CELF4: variants seen among roughly 807,000 people sequenced by gnomAD.
CELF4 encodes CUG-BP- and ETR-3-like factor 4.
CELF4 carries 18 observed loss-of-function variants against 59.9 expected under a neutral mutation model. The ratio of observed to expected loss-of-function variants is 0.30; its 90% confidence interval spans 0.21 to 0.45. The LOEUF is 0.45. Among genes scored for constraint, CELF4 ranks in the 20% least tolerant of loss-of-function variants. The pLI, the probability that CELF4 is intolerant of heterozygous loss-of-function variation, is 1.00. For missense variants in CELF4, 456 were observed against 689.0 expected, an observed-to-expected ratio of 0.66 and a Z score of 3.79; for synonymous variants, 261 against 267.1, an observed-to-expected ratio of 0.98 and a Z score of 0.22.
At chr18:37,377,862 C>T (rs1179630646) in intron 2 of CELF4, among the ~76,000 whole-genome samples, 2 of 151,960 alleles carry the variant, frequency 1.3e-5, no homozygotes, top group Non-Finnish European at 2.9e-5. Context: ...AGGGCAAGGG[C>T]GGAAAGGGAA....
intron 2 of CELF4, among the ~76,000 whole-genome samples, chr18:37,348,946 G>A (rs1171415560): frequency 6.6e-6 from 1 of 152,140 alleles, no homozygotes; most frequent in South Asian, 2.1e-4. Flanking sequence ...ATGCCTCCAG[G>A]GGGTTTGGGA....
intron 2 of CELF4, among the ~76,000 whole-genome samples, chr18:37,328,000 C>T (rs560357311): frequency 6.6e-6 from 1 of 152,290 alleles, no homozygotes; most frequent in Non-Finnish European, 1.5e-5. Context: ...TTCTCTCTCT[C>T]ATGCGTGTGT....
At chr18:37,440,990 T>C (rs1016537134) in intron 2 of CELF4, among the ~76,000 whole-genome samples, 1 of 152,148 alleles carries the variant, frequency 6.6e-6, no homozygotes, top group Non-Finnish European at 1.5e-5. Flanking sequence ...TATTAGATAG[T>C]GGATGCATTA....
At chr18:37,425,544 T>TA (rs2099606601) in intron 2 of CELF4, among the ~76,000 whole-genome samples, 2 of 152,338 alleles carry the variant, frequency 1.3e-5, no homozygotes, top group African/African-American at 4.8e-5. Flanking sequence ...ATGATTTCTT[T>TA]AAAAAACATA....
At chr18:37,557,382 C>T (rs1372959415) in intron 1 of CELF4, among the ~76,000 whole-genome samples, 1 of 152,210 alleles carries the variant, frequency 6.6e-6, no homozygotes, top group Non-Finnish European at 1.5e-5. Context: ...CGGTGCACAA[C>T]AGTTCTCACA....
intron 2 of CELF4, among the ~76,000 whole-genome samples, chr18:37,427,734 C>T (rs1392033560): frequency 6.6e-6 from 1 of 152,216 alleles, no homozygotes; most frequent in African/African-American, 2.4e-5. Context: ...TGGGACCTTC[C>T]TCGGCCTTGA....
intron 2 of CELF4, among the ~76,000 whole-genome samples, chr18:37,343,862 A>G (rs906570772): frequency 6.6e-6 from 1 of 152,036 alleles, no homozygotes; most frequent in Admixed American, 6.6e-5. Context: ...CACTCCTATC[A>G]GGCTGTCCAC....
rs71168258 is a variant in CELF4, at chr18:37,353,233, A to AAAAAATATATATATATAT, written c.370-31353_370-31352insATATATATATATATTTTT. 6.5e-4 allele frequency among the ~76,000 whole-genome samples: 69 copies of AAAAAATATATATATATAT among 106,918 alleles called. 1 individual carries two copies. The highest frequency in any genetic ancestry group is 2.3e-3 in the East Asian group (8 of 3,540). The allele number at this position is 106,918 out of a possible 152,430, so 70.1% of individuals were successfully genotyped here. On this transcript the variant is annotated intron_variant, in intron 2 of 12. Coordinates refer to ENST00000420428, the MANE Select transcript of CELF4 (RefSeq NM_020180.4). ...GAGACTCCGTCTCAAAAAAAAAAAA[A>AAAAAATATATATATATAT]ATATATATATATATATACATAAAAG...
intron 2 of CELF4, among the ~76,000 whole-genome samples, chr18:37,326,216 G>A (rs1396053123): frequency 1.3e-5 from 2 of 152,214 alleles, no homozygotes; most frequent in African/African-American, 2.4e-5. Context: ...GGGCAAGGGA[G>A]AGCAGAGGGG....
intron 1 of CELF4, among the ~76,000 whole-genome samples, chr18:37,537,990 C>T (rs1603643668): frequency 6.6e-6 from 1 of 152,350 alleles, no homozygotes; most frequent in East Asian, 1.9e-4. Context: ...CGGAGAGTCC[C>T]AGGCGCTGAA....
intron 3 of CELF4, among the ~76,000 whole-genome samples, chr18:37,302,006 C>T (rs1254857956): frequency 1.3e-5 from 2 of 152,162 alleles, no homozygotes; most frequent in African/African-American, 2.4e-5. Flanking sequence ...TGGGGAACAT[C>T]GAAAAACTCA....
In CELF4 at chr18:37,253,443, C is replaced by T. The variant is rs769428784; in HGVS notation, c.*44+324G>A. ...AACCTCCCTCAGCCTGAGCTTGCCA[C>T]CTGTTCACCCCAGGGTTCTCTGGCC... On this transcript the variant is annotated intron_variant, in intron 12 of 12. Transcript: ENST00000420428. This position sits in a 1 kb window ranked among gnomAD's most constrained non-coding sequence, Gnocchi z 4.5. Among the ~76,000 whole-genome samples, 17 of 152,318 alleles carry T rather than the reference C, an allele frequency of 1.1e-4. No homozygotes were observed. Among genetic ancestry groups the T allele is most frequent in the Non-Finnish European group, 2.5e-4 (17 of 68,024 alleles).
chr18:37,404,711 T>C (rs1236808234), intron 2 of CELF4, among the ~76,000 whole-genome samples: 1 of 152,138 alleles, frequency 6.6e-6, no homozygotes, highest in African/African-American at 2.4e-5. Context: ...AGAGCCAGGA[T>C]GGAGAGTGTA....
In CELF4 at chr18:37,253,793, GGACGCTCCCGCC is replaced by G; in HGVS notation, c.*6_*17del. 6.3e-7 allele frequency: 1 copy of G among 1,589,800 alleles called. No homozygotes were observed. The highest frequency in any genetic ancestry group is 8.6e-7 in the Non-Finnish European group (1 of 1,167,982). On this transcript the variant is annotated 3_prime_UTR_variant, in exon 12 of 13. Transcript: ENST00000420428. This position sits in a 1 kb window ranked among gnomAD's most constrained non-coding sequence, Gnocchi z 4.5. Reference sequence around the variant, plus strand: ...TGTGCGAGTCCTGGTCTCCCCCGGGGGACGCTCCCGCCGGCGCTCAGTACGGGCGATTGGCGT... The same window carrying G: ...TGTGCGAGTCCTGGTCTCCCCCGGGGGGCGCTCAGTACGGGCGATTGGCGT...
At chr18:37,423,835 A>G (rs945912664) in intron 2 of CELF4, among the ~76,000 whole-genome samples, 21 of 151,786 alleles carry the variant, frequency 1.4e-4, no homozygotes, top group Non-Finnish European at 1.9e-4. Context: ...AGGCTCACAG[A>G]TCTTTGACTG....
chr18:37,525,911 C>T (rs1273476140), intron 1 of CELF4, among the ~76,000 whole-genome samples: 3 of 152,152 alleles, frequency 2.0e-5, no homozygotes, highest in Non-Finnish European at 4.4e-5. Flanking sequence ...TGGGCATCAC[C>T]TAGGCATCTA....
At chr18:37,321,927 G>C (rs770675423) in intron 2 of CELF4, 46 bp from the exon 3 acceptor site, 1 of 1,515,624 alleles carries the variant, frequency 6.6e-7, no homozygotes, top group South Asian at 1.2e-5. Flanking sequence ...GCCTGCGGGT[G>C]AGGGGACAGA....
intron 2 of CELF4, among the ~76,000 whole-genome samples, chr18:37,421,565 A>G (rs2099578391): frequency 6.6e-6 from 1 of 152,052 alleles, no homozygotes; most frequent in African/African-American, 2.4e-5. Context: ...CGTGTGAGTC[A>G]TGTCTCCCAG....
intron 2 of CELF4, among the ~76,000 whole-genome samples, chr18:37,383,187 AC>A (rs2099061744): frequency 6.6e-6 from 1 of 152,186 alleles, no homozygotes; most frequent in Non-Finnish European, 1.5e-5. Context: ...GTACCCAGCC[AC>A]TGATTTAATC....
Sources: gnomAD v4.1 joint callset for allele counts (sites outside exome capture counted in the v4.1 genomes callset) on GRCh38, gnomAD v4.1.1 for gene constraint, Gnocchi (gnomAD v3.1) non-coding constraint, MANE v1.5 for transcripts, NCBI Gene and HGNC (gene_info 2026-07-23, HGNC 2026-07-21) for gene names.